Variants in PPIL2 observed in about 807,000 individuals in gnomAD.
PPIL2 encodes peptidylprolyl isomerase like 2, also known as RING-type E3 ubiquitin-protein ligase PPIL2.
In PPIL2, 50 loss-of-function variants were observed where a neutral mutation model predicts 75.2. The observed-to-expected ratio is 0.66, with a 90% CI of 0.53 to 0.84. PPIL2 has a LOEUF of 0.84. Among genes scored for constraint, PPIL2 ranks in the 40% least tolerant of loss-of-function variants. The pLI is 0.00. For missense variants in PPIL2, 590 were observed against 685.0 expected, an observed-to-expected ratio of 0.86 and a Z score of 1.55; for synonymous variants, 245 against 258.8, an observed-to-expected ratio of 0.95 and a Z score of 0.51.
chr22:21,696,527 T>G lies in PPIL2; in HGVS notation c.*1037T>G. On this transcript the variant is annotated 3_prime_UTR_variant, in exon 20 of 20. Transcript: ENST00000398831. ...GAAAGACCCCTCCCTCAACCCCCATTTTTCTGTTAAATGTGCCCCTGGCTG... is the reference window on the plus strand; with the variant it reads ...GAAAGACCCCTCCCTCAACCCCCATGTTTCTGTTAAATGTGCCCCTGGCTG... The G allele has an allele frequency of 7.6e-7, 1 of 1,322,642 alleles. No homozygotes were observed. 81.9% of individuals were successfully genotyped at this position (1,322,642 alleles called of 1,614,324 possible). A position where few individuals can be genotyped will look rare whatever the true frequency, so the allele number is the denominator to read the frequency against.
At chr22:21,680,853 A>AAC (rs1380946773) in intron 6 of PPIL2, among the ~76,000 whole-genome samples, 5 of 140,980 alleles carry the variant, frequency 3.5e-5, no homozygotes, top group Non-Finnish European at 7.8e-5. Flanking sequence ...AAAAAAAAAA[A>AAC]CAGAGCAAAA....
intron 6 of PPIL2, among the ~76,000 whole-genome samples, chr22:21,679,057 T>G (rs982627194): frequency 6.6e-6 from 1 of 151,872 alleles, no homozygotes; most frequent in East Asian, 1.9e-4. Context: ...CCACCACACC[T>G]GGCTAATTTT....
intron 15 of PPIL2, among the ~76,000 whole-genome samples, chr22:21,691,185 C>A (rs910324247): frequency 6.6e-6 from 1 of 151,738 alleles, no homozygotes; most frequent in African/African-American, 2.4e-5. Flanking sequence ...CTCAGGTGAT[C>A]CACCCACCTC....
Position 21,666,105 on chromosome 22 carries a change from G to C in PPIL2, c.6G>C (p.Gly2=). The C allele has an allele frequency of 4.3e-6, 7 of 1,613,740 alleles. No individual in the cohort carries two copies. The highest frequency in any genetic ancestry group is 5.9e-6 in the Non-Finnish European group (7 of 1,179,828). The change falls in exon 1 of 20, where the codon GGG becomes GGC. Residue 2 remains glycine, a synonymous_variant. Coordinates refer to ENST00000398831, the MANE Select transcript of PPIL2 (RefSeq NM_014337.4). ...GTCGCCGCCGCCGCTCCGCCATGGG[G>C]AAGCGACAGCACCAAAAGGACAAAA... M[G]KRQHQKDKMY... is the part of the protein sequence containing the mutation.
At chr22:21,678,666 C>T (rs1364810628) in intron 6 of PPIL2, among the ~76,000 whole-genome samples, 1 of 152,204 alleles carries the variant, frequency 6.6e-6, no homozygotes, top group Non-Finnish European at 1.5e-5. Context: ...CCCACCAGTA[C>T]CCCCTTGCAT....
chr22:21,691,622 T>G (rs796742363), intron 15 of PPIL2, among the ~76,000 whole-genome samples: 3 of 151,950 alleles, frequency 2.0e-5, no homozygotes, highest in Non-Finnish European at 4.4e-5. Context: ...AGAGCTTGCA[T>G]TGAGCCGAGA....
At chr22:21,682,656 G>A in intron 8 of PPIL2, 130 bp downstream of exon 8, 3 of 555,890 alleles carry the variant, frequency 5.4e-6, no homozygotes, top group East Asian at 7.8e-5. Flanking sequence ...CATCTGAATA[G>A]CCACTCTGCA....
Position 21,676,531 on chromosome 22 carries a change from C to T in PPIL2, c.295+1416C>T, listed in dbSNP as rs1243461145. ...GCGGCCTTCTGCAGTGTTTGTGTCC[C>T]TGGGTACTTGAGATTAGGGAGTGGT... On this transcript the variant is annotated intron_variant, in intron 6 of 19. Transcript: ENST00000398831. Among the ~76,000 whole-genome samples the T allele has an allele frequency of 3.3e-5, 5 of 151,632 alleles. No homozygotes were observed. The East Asian group carries it at 9.7e-4, about 29-fold the overall frequency.
At chr22:21,687,614 T>C in intron 12 of PPIL2, 29 bp from the exon 13 acceptor site, 1 of 1,317,958 alleles carries the variant, frequency 7.6e-7, no homozygotes, top group African/African-American at 1.5e-5. Flanking sequence ...AGCTCTCTGC[T>C]TCATACAAGT....
intron 15 of PPIL2, among the ~76,000 whole-genome samples, chr22:21,692,449 T>G (rs861823): frequency 6.6e-6 from 1 of 151,638 alleles, no homozygotes; most frequent in Admixed American, 6.6e-5. Flanking sequence ...CCACTGTGCC[T>G]GGCCAATCCT....
chr22:21,682,202 C>T (rs1308769900), intron 7 of PPIL2, among the ~76,000 whole-genome samples: 2 of 152,190 alleles, frequency 1.3e-5, no homozygotes, highest in African/African-American at 4.8e-5. Flanking sequence ...CAGACAAGAG[C>T]TTCCTGCAGG....
intron 5 of PPIL2, 25 bp downstream of exon 5, chr22:21,672,406 G>A: frequency 6.3e-7 from 1 of 1,574,954 alleles, no homozygotes; most frequent in Non-Finnish European, 8.7e-7. Context: ...AGGAGTTTCA[G>A]TGATGCTAGT....
chr22:21,674,856 C>T (rs780901641), intron 5 of PPIL2, among the ~76,000 whole-genome samples: 3 of 152,320 alleles, frequency 2.0e-5, no homozygotes, highest in South Asian at 2.1e-4. Context: ...CTTCTCAGAG[C>T]GTGGTGGGGG....
rs115193886 is a variant in PPIL2, at chr22:21,666,827, T to C, written c.32+696T>C. Among the ~76,000 whole-genome samples, 1,140 of 152,018 alleles carry C rather than the reference T, an allele frequency of 7.5e-3. 9 individuals carry two copies. The highest frequency in any genetic ancestry group is 0.025 in the African/African-American group (1,055 of 41,468). ...CTGTCTCAAAAATAATAAATAAAAT[T>C]TAAAAATCCACCCGTGCCCCGTGCC... On this transcript the variant is annotated intron_variant, in intron 1 of 19. Coordinates refer to ENST00000398831, the MANE Select transcript of PPIL2 (RefSeq NM_014337.4).
At chr22:21,680,472 A>C (rs1272830642) in intron 6 of PPIL2, among the ~76,000 whole-genome samples, 1 of 152,102 alleles carries the variant, frequency 6.6e-6, no homozygotes, top group Non-Finnish European at 1.5e-5. Flanking sequence ...TGGAGGTTGC[A>C]GTGAGCCGAG....
At chr22:21,681,599 T>C (rs547759680) in intron 7 of PPIL2, among the ~76,000 whole-genome samples, 1 of 152,314 alleles carries the variant, frequency 6.6e-6, no homozygotes, top group African/African-American at 2.4e-5. Context: ...GGGAGGTGCA[T>C]CCTTCGGAAT....
At chr22:21,684,040 T>G (rs769322983) in intron 9 of PPIL2, among the ~76,000 whole-genome samples, 12 of 151,468 alleles carry the variant, frequency 7.9e-5, no homozygotes, top group Non-Finnish European at 4.4e-5. Flanking sequence ...ACACCCTGTC[T>G]CTACAAAAAA....
At chr22:21,682,377 GCA>G in intron 7 of PPIL2, 58 bp from the exon 8 acceptor site, 1 of 1,452,228 alleles carries the variant, frequency 6.9e-7, no homozygotes, top group South Asian at 1.1e-5. Flanking sequence ...CTCCCTGCTT[GCA>G]GTCCCCTGTG....
chr22:21,673,545 T>C (rs1275494335), intron 5 of PPIL2: 1 of 152,294 alleles, frequency 6.6e-6, no homozygotes, highest in Non-Finnish European at 1.5e-5. Context: ...TTGTCGATTG[T>C]GCTGGCCCCC....
Sources: gnomAD v4.1 joint callset for allele counts (sites outside exome capture counted in the v4.1 genomes callset) on GRCh38, gnomAD v4.1.1 for gene constraint, MANE v1.5 for transcripts, NCBI Gene and HGNC (gene_info 2026-07-23, HGNC 2026-07-21) for gene names.